The following MYOZ2 variants were observed in gnomAD, a reference collection of about 807,000 sequenced individuals.
The protein encoded by MYOZ2 is myozenin-2.
Under a neutral mutation model 25.4 loss-of-function variants are expected in MYOZ2, and 19 were observed. The ratio of observed to expected loss-of-function variants is 0.75; its 90% CI spans 0.52 to 1.10. The LOEUF is 1.10. Ranked by LOEUF, MYOZ2 falls within the 50% of genes least tolerant of loss-of-function variation. The probability of loss-of-function intolerance (pLI) is 0.00; values close to 1 mark genes in which losing one functional copy is unlikely to be tolerated. For synonymous variants in MYOZ2, 92 were observed against 106.9 expected, an observed-to-expected ratio of 0.86 and a Z score of 0.86; for missense variants, 270 against 317.9, an observed-to-expected ratio of 0.85 and a Z score of 1.15.
chr4:119,141,257 C>T (rs929666536), intron 2 of MYOZ2, among the ~76,000 whole-genome samples: 7 of 152,122 alleles, frequency 4.6e-5, no homozygotes, highest in East Asian at 1.9e-4. Flanking sequence ...GGTCTTTTGT[C>T]GTACTACAAT....
At chr4:119,175,917 A>G (rs1385961331) in intron 5 of MYOZ2, among the ~76,000 whole-genome samples, 1 of 152,124 alleles carries the variant, frequency 6.6e-6, no homozygotes, top group Non-Finnish European at 1.5e-5. Flanking sequence ...TTCATTTTGC[A>G]CTGGGTTCTA....
At chr4:119,151,410 C>T (rs979658283) in intron 3 of MYOZ2, among the ~76,000 whole-genome samples, 3 of 152,076 alleles carry the variant, frequency 2.0e-5, no homozygotes, top group Non-Finnish European at 2.9e-5. Context: ...GCTCCACAGG[C>T]GAGGATAAGC....
At chr4:119,158,948 TAA>T (rs956603318) in intron 4 of MYOZ2, among the ~76,000 whole-genome samples, 53 of 152,186 alleles carry the variant, frequency 3.5e-4, no homozygotes, top group African/African-American at 1.2e-3. Context: ...TTACAATAAC[TAA>T]AAGAGTATAA....
intron 5 of MYOZ2, among the ~76,000 whole-genome samples, chr4:119,174,897 G>A (rs1022057412): frequency 1.6e-4 from 25 of 151,978 alleles, no homozygotes; most frequent in Non-Finnish European, 7.4e-5. Context: ...GTGAGACCAC[G>A]AGCCCACCAG....
At chr4:119,154,891 A>AC (rs57599425) in intron 3 of MYOZ2, among the ~76,000 whole-genome samples, 82,706 of 148,794 alleles carry the variant, frequency 0.56, 24,818 homozygotes, top group Non-Finnish European at 0.68. Flanking sequence ...ACACACACAC[A>AC]ATGCCTTTCT....
rs1036176715 is a variant in MYOZ2, at chr4:119,187,278, T to G, written c.*1078T>G. ...ATTGAAGAAGCATATGACATATAAC[T>G]TATAGAAATCAGTATCAATTCCTCC... On this transcript the variant is annotated 3_prime_UTR_variant, in exon 6 of 6. Transcript: ENST00000307128. 6.6e-6 allele frequency: 1 copy of G among 152,160 alleles called. No individual in the cohort carries two copies. The highest frequency in any genetic ancestry group is 2.4e-5 in the African/African-American group (1 of 41,454). 9.4% of individuals were successfully genotyped at this position (152,160 alleles called of 1,614,324 possible).
chr4:119,173,910 A>G (rs888738055), intron 5 of MYOZ2, among the ~76,000 whole-genome samples: 9 of 152,206 alleles, frequency 5.9e-5, no homozygotes, highest in Non-Finnish European at 1.2e-4. Flanking sequence ...GCCCGGGGCA[A>G]TGAGGGACTT....
At chr4:119,147,297 GAGATT>G (rs1325745465) in intron 2 of MYOZ2, among the ~76,000 whole-genome samples, 3 of 151,248 alleles carry the variant, frequency 2.0e-5, no homozygotes, top group African/African-American at 7.3e-5. Flanking sequence ...TGCCTTCCTG[GAGATT>G]ACTTCAGAGT....
intron 2 of MYOZ2, among the ~76,000 whole-genome samples, chr4:119,138,768 C>T (rs992504136): frequency 6.6e-6 from 1 of 151,900 alleles, no homozygotes; most frequent in African/African-American, 2.4e-5. Context: ...TACTACTTAC[C>T]AAAACATTTA....
intron 3 of MYOZ2, among the ~76,000 whole-genome samples, chr4:119,157,333 G>T (rs1170759718): frequency 6.6e-6 from 1 of 152,016 alleles, no homozygotes; most frequent in African/African-American, 2.4e-5. Context: ...TTCTTAAAAT[G>T]CAAACTGAAC....
chr4:119,155,706 T>G (rs1741557437), intron 3 of MYOZ2, among the ~76,000 whole-genome samples: 1 of 152,172 alleles, frequency 6.6e-6, no homozygotes, highest in South Asian at 2.1e-4. Context: ...TTGCATTTTA[T>G]TCACTAGGCA....
In MYOZ2 at chr4:119,158,725, A is replaced by G. The variant is rs182679974; in HGVS notation, c.376+574A>G. Reference sequence around the variant, plus strand: ...TAATTTGTAATTATATTGAAATCCTATTTGTATAGGACTGTACAATTTATA... The same window carrying G: ...TAATTTGTAATTATATTGAAATCCTGTTTGTATAGGACTGTACAATTTATA... On this transcript the variant is annotated intron_variant, in intron 4 of 5. Coordinates refer to ENST00000307128, the MANE Select transcript of MYOZ2 (RefSeq NM_016599.5). Among the ~76,000 whole-genome samples the G allele has an allele frequency of 1.1e-4, 17 of 152,316 alleles. No individual in the cohort carries two copies. In the East Asian group the frequency reaches 2.9e-3, roughly 26 times the overall value.
At chr4:119,145,769 A>G (rs1300172474) in intron 2 of MYOZ2, among the ~76,000 whole-genome samples, 1 of 152,122 alleles carries the variant, frequency 6.6e-6, no homozygotes, top group Non-Finnish European at 1.5e-5. Flanking sequence ...TTTGGGGCAG[A>G]GATTATGTGA....
chr4:119,186,290 A>G lies in MYOZ2; in HGVS notation c.*90A>G, dbSNP rs147558994. 6 of 982,818 alleles carry G rather than the reference A, an allele frequency of 6.1e-6. No individual in the cohort carries two copies. The highest frequency in any genetic ancestry group is 9.4e-6 in the Non-Finnish European group (6 of 639,698). The allele number at this position is 982,818 out of a possible 1,614,324, so 60.9% of individuals were successfully genotyped here. On this transcript the variant is annotated 3_prime_UTR_variant, in exon 6 of 6. Coordinates refer to ENST00000307128, the MANE Select transcript of MYOZ2 (RefSeq NM_016599.5). ...ACTGGCAAAGCCACTTGCATTTTTC[A>G]TTAGTAGCAACAATAGCAATTTAGT...
chr4:119,165,917 C>G (rs1222889497), intron 5 of MYOZ2, among the ~76,000 whole-genome samples: 3 of 152,008 alleles, frequency 2.0e-5, no homozygotes, highest in Non-Finnish European at 4.4e-5. Context: ...TAAAGAGATG[C>G]CTATTGACTG....
At chr4:119,167,579 A>G (rs1006102844) in intron 5 of MYOZ2, among the ~76,000 whole-genome samples, 5 of 152,212 alleles carry the variant, frequency 3.3e-5, no homozygotes, top group Admixed American at 6.5e-5. Flanking sequence ...TGTAGGTGAA[A>G]CAACCTTCTA....
intron 5 of MYOZ2, among the ~76,000 whole-genome samples, chr4:119,166,567 C>G (rs527264570): frequency 6.6e-6 from 1 of 151,840 alleles, no homozygotes; most frequent in African/African-American, 2.4e-5. Context: ...TTGTCTAGTA[C>G]GTGCATTGCT....
chr4:119,177,907 C>T (rs930658715), intron 5 of MYOZ2, among the ~76,000 whole-genome samples: 2 of 152,178 alleles, frequency 1.3e-5, no homozygotes, highest in African/African-American at 4.8e-5. Flanking sequence ...AGGCTCTCTT[C>T]CAATTACCTC....
intron 5 of MYOZ2, among the ~76,000 whole-genome samples, chr4:119,178,480 C>T (rs940714599): frequency 6.6e-6 from 1 of 152,210 alleles, no homozygotes; most frequent in Non-Finnish European, 1.5e-5. Flanking sequence ...CTTTTCCAAT[C>T]TGCCCCATCT....
Sources: allele counts gnomAD v4.1 joint callset (sites outside exome capture counted in the v4.1 genomes callset), GRCh38; gene constraint gnomAD v4.1.1; transcripts MANE v1.5; gene names NCBI Gene and HGNC (gene_info 2026-07-23, HGNC 2026-07-21).